Variants in ENAH observed in about 807,000 individuals in gnomAD.
The protein encoded by ENAH is ENAH actin regulator.
Under a neutral mutation model 78.7 loss-of-function variants are expected in ENAH, and 23 were observed. The ratio of observed to expected loss-of-function variants is 0.29; its 90% CI spans 0.21 to 0.41. The LOEUF is 0.41. ENAH is among the 10% of genes least tolerant of loss of function. The pLI is 1.00. For missense variants in ENAH, 544 were observed against 691.0 expected (o/e 0.79, Z 2.39); for synonymous variants, 226 against 241.0 (o/e 0.94, Z 0.58).
intron 1 of ENAH, among the ~76,000 whole-genome samples, chr1:225,571,235 T>C (rs2096760583): frequency 6.6e-6 from 1 of 151,886 alleles, no homozygotes; most frequent in Non-Finnish European, 1.5e-5. Context: ...TAGCCAGGCA[T>C]GGTGACGTGC....
In ENAH at chr1:225,547,157, C is replaced by T. The variant is rs182590215; in HGVS notation, c.349+7749G>A. On this transcript the variant is annotated intron_variant, in intron 3 of 13. Transcript: ENST00000366843. ...TGCAATCTCGGCTCATTGCAACCTCCGCCTCCTGGATTCAAGTGATTCTCC... is the reference window on the plus strand; with the variant it reads ...TGCAATCTCGGCTCATTGCAACCTCTGCCTCCTGGATTCAAGTGATTCTCC... Among the ~76,000 whole-genome samples, 61 of 152,052 alleles carry T rather than the reference C, an allele frequency of 4.0e-4. No homozygotes were observed. The East Asian group carries it at 8.5e-3, about 21-fold the overall frequency.
At chr1:225,638,174 A>C (rs1660392229) in intron 1 of ENAH, among the ~76,000 whole-genome samples, 1 of 152,176 alleles carries the variant, frequency 6.6e-6, no homozygotes, top group Non-Finnish European at 1.5e-5. Context: ...ATGGCTCTGA[A>C]GTCAATGCTG....
chr1:225,632,309 G>C (rs1262823921), intron 1 of ENAH, among the ~76,000 whole-genome samples: 1 of 152,108 alleles, frequency 6.6e-6, no homozygotes, highest in Non-Finnish European at 1.5e-5. Context: ...GACCAGCCTG[G>C]CCAAGTGGAG....
rs1006207829 is a variant in ENAH at position 225,518,055 on chromosome 1, A to G, written c.803-749T>C. 7.9e-6 allele frequency: 11 copies of G among 1,396,204 alleles called. No homozygotes were observed. The Admixed American group carries it at 9.7e-5, about 12-fold the overall frequency. The allele number at this position is 1,396,204 out of a possible 1,614,324, so 86.5% of individuals were successfully genotyped here. A position where few individuals can be genotyped will look rare whatever the true frequency, so the allele number is the denominator to read the frequency against. On this transcript the variant is annotated intron_variant, in intron 5 of 13. Coordinates refer to ENST00000366843, the MANE Select transcript of ENAH (RefSeq NM_018212.6). ...AAAAAGGAGAGAGAAAAAGGGAGCTAGTGAAGCCACAAAACCAGCATTCAG... is the reference window on the plus strand; with the variant it reads ...AAAAAGGAGAGAGAAAAAGGGAGCTGGTGAAGCCACAAAACCAGCATTCAG...
Position 225,646,017 on chromosome 1 carries a change from T to C in ENAH, c.5+6669A>G, listed in dbSNP as rs115833181. ...AAGGTTCCCAGTGTAAAGAGATTTC[T>C]AGAAAATTTAACGGATATCTTGTAT... On this transcript the variant is annotated intron_variant, in intron 1 of 13. Coordinates refer to ENST00000366843, the MANE Select transcript of ENAH (RefSeq NM_018212.6). Among the ~76,000 whole-genome samples, 563 of 152,350 alleles carry C rather than the reference T, an allele frequency of 3.7e-3. 8 individuals are homozygous for C. Among genetic ancestry groups the C allele is most frequent in the African/African-American group, 0.013 (527 of 41,590 alleles).
chr1:225,524,768 T>A, intron 4 of ENAH: 7 of 518,468 alleles, frequency 1.4e-5, no homozygotes, highest in African/African-American at 2.1e-5. Context: ...TTTATAGATA[T>A]TAACTATATT....
At chr1:225,647,671 A>G (rs1662214758) in intron 1 of ENAH, among the ~76,000 whole-genome samples, 1 of 152,226 alleles carries the variant, frequency 6.6e-6, no homozygotes, top group African/African-American at 2.4e-5. Context: ...AACATTTAGT[A>G]TCCACCAAAT....
intron 2 of ENAH, among the ~76,000 whole-genome samples, chr1:225,563,483 C>T (rs1483948591): frequency 6.6e-6 from 1 of 152,158 alleles, no homozygotes; most frequent in Non-Finnish European, 1.5e-5. Context: ...GTGATGAGAA[C>T]TGTTATGTAT....
intron 3 of ENAH, among the ~76,000 whole-genome samples, chr1:225,535,183 CA>C (rs2096555755): frequency 6.6e-6 from 1 of 152,140 alleles, no homozygotes; most frequent in African/African-American, 2.4e-5. Context: ...AATTCTAAAT[CA>C]AAAATTTGCT....
At chr1:225,618,140 A>G (rs1013240922) in intron 1 of ENAH, among the ~76,000 whole-genome samples, 7 of 152,180 alleles carry the variant, frequency 4.6e-5, no homozygotes, top group African/African-American at 1.2e-4. Flanking sequence ...ACTTGCACCT[A>G]ATCCCAAACA....
chr1:225,487,343 C>A lies in ENAH; in HGVS notation c.*10432G>T, dbSNP rs1179603256. 1 of 152,212 alleles carries A rather than the reference C, an allele frequency of 6.6e-6. No individual in the cohort carries two copies. Among genetic ancestry groups the A allele is most frequent in the Non-Finnish European group, 1.5e-5 (1 of 68,042 alleles). 9.4% of individuals were successfully genotyped at this position (152,212 alleles called of 1,614,324 possible). A position where few individuals can be genotyped will look rare whatever the true frequency, so the allele number is the denominator to read the frequency against. ...CCAGCTGTTTTAGTTTCATGTCTCA[C>A]CTTCTCTTCCACGTTCCCTTCTTAA... On this transcript the variant is annotated 3_prime_UTR_variant, in exon 14 of 14. Transcript: ENST00000366843.
chr1:225,525,453 C>A (rs1020951305), intron 4 of ENAH, among the ~76,000 whole-genome samples: 1 of 152,184 alleles, frequency 6.6e-6, no homozygotes, highest in Non-Finnish European at 1.5e-5. Context: ...GAACTGTAAT[C>A]CCTATCAACA....
At chr1:225,603,446 A>G (rs1490243480) in intron 1 of ENAH, among the ~76,000 whole-genome samples, 1 of 152,150 alleles carries the variant, frequency 6.6e-6, no homozygotes, top group Non-Finnish European at 1.5e-5. Context: ...ATTACACATT[A>G]ACACTCAAAA....
intron 3 of ENAH, among the ~76,000 whole-genome samples, chr1:225,531,288 A>AG (rs1476871206): frequency 6.6e-6 from 1 of 152,130 alleles, no homozygotes; most frequent in African/African-American, 2.4e-5. Context: ...TAGGGTAAGA[A>AG]GAAAAAAAAA....
At chr1:225,570,354 A>G (rs1216073743) in intron 1 of ENAH, among the ~76,000 whole-genome samples, 1 of 151,926 alleles carries the variant, frequency 6.6e-6, no homozygotes, top group Admixed American at 6.6e-5. Context: ...ACCATTGAAC[A>G]ACATGGGAAC....
intron 1 of ENAH, among the ~76,000 whole-genome samples, chr1:225,573,783 T>C (rs1241093724): frequency 6.6e-6 from 1 of 152,236 alleles, no homozygotes; most frequent in Non-Finnish European, 1.5e-5. Flanking sequence ...CCAGTTAGTA[T>C]GTGATATGCT....
chr1:225,609,966 CTTT>C (rs1408594739), intron 1 of ENAH, among the ~76,000 whole-genome samples: 1 of 151,846 alleles, frequency 6.6e-6, no homozygotes, highest in East Asian at 1.9e-4. Flanking sequence ...GCCCGGCCTA[CTTT>C]TTTTATTAGC....
chr1:225,595,943 T>A (rs188784987), intron 1 of ENAH, among the ~76,000 whole-genome samples: 4 of 152,238 alleles, frequency 2.6e-5, no homozygotes, highest in African/African-American at 9.6e-5. Context: ...TGTCTGCAAC[T>A]GAACTTAAGC....
At chr1:225,600,875 A>T (rs2096927232) in intron 1 of ENAH, among the ~76,000 whole-genome samples, 1 of 152,154 alleles carries the variant, frequency 6.6e-6, no homozygotes, top group African/African-American at 2.4e-5. Flanking sequence ...CAGGAAATAA[A>T]AAAGACTAAA....
Sources: allele counts gnomAD v4.1 joint callset (sites outside exome capture counted in the v4.1 genomes callset), GRCh38; gene constraint gnomAD v4.1.1; transcripts MANE v1.5; gene names NCBI Gene and HGNC (gene_info 2026-07-23, HGNC 2026-07-21).